Variants in BDP1 observed in about 807,000 individuals in gnomAD.
BDP1 encodes the protein BDP1 general transcription factor IIIB subunit, also known as transcription factor TFIIIB component B'' homolog.
BDP1 carries 169 observed loss-of-function variants against 266.6 expected under a neutral mutation model. That is an observed-to-expected ratio of 0.63 (90% CI 0.56 to 0.72). The LOEUF (loss-of-function observed/expected upper bound fraction) is 0.72, where lower values mean the gene tolerates loss of function less well. Among genes scored for constraint, BDP1 ranks in the 30% least tolerant of loss-of-function variants. BDP1 has a pLI of 0.00. For synonymous variants in BDP1, 1,090 were observed against 1,022.4 expected (o/e 1.07, Z -1.26); for missense variants, 3,015 against 3,053.8 (o/e 0.99, Z 0.30).
chr5:71,513,432 C>T, intron 19 of BDP1, 25 bp downstream of exon 19: 1 of 1,290,588 alleles, frequency 7.7e-7, no homozygotes. Context: ...GATGGAAGTT[C>T]TGTGTGGGTG....
In BDP1 at chr5:71,549,503, G is replaced by A. The variant is rs1394447593; in HGVS notation, c.6892G>A (p.Val2298Ile). The change falls in exon 34 of 39, where the codon GTA becomes ATA. Residue 2298 changes from valine to isoleucine, a missense_variant. Around this residue, in one of 3 missense-constraint regions of BDP1, gnomAD observed 629 missense variants for 632.5 expected, o/e 0.99. Transcript: ENST00000358731. ...TCTGGTGGAAATCCCAGCCAATGCA[G>A]TAGAAGAATTTACTGATGCCACTGC... ...LTLVEIPANAVEEFTDATAQF... is the reference protein window; with the variant it reads ...LTLVEIPANAIEEFTDATAQF... 1.9e-6 allele frequency: 3 copies of A among 1,614,118 alleles called. No individual in the cohort carries two copies. The South Asian group carries it at 3.3e-5, about 18-fold the overall frequency.
chr5:71,465,709 C>T (rs1246807951), intron 4 of BDP1, among the ~76,000 whole-genome samples: 8 of 152,162 alleles, frequency 5.3e-5, no homozygotes, highest in African/African-American at 9.6e-5. Flanking sequence ...CGTGAAAACC[C>T]GTCTCTACTA....
chr5:71,508,836 T>C (rs1435184979), intron 16 of BDP1, among the ~76,000 whole-genome samples: 4 of 152,246 alleles, frequency 2.6e-5, no homozygotes, highest in Non-Finnish European at 5.9e-5. Context: ...GGATAGTGGT[T>C]GTGTGCCCAG....
At chr5:71,574,399 C>T in the BDP1 span, among the ~76,000 whole-genome samples, 2 of 152,290 alleles carry the variant, frequency 1.3e-5, no homozygotes, top group South Asian at 2.1e-4. Context: ...CTGGGCCTCT[C>T]AAACAATGAG....
chr5:71,557,145 A>G (rs2112042815), intron 36 of BDP1, among the ~76,000 whole-genome samples: 1 of 152,290 alleles, frequency 6.6e-6, no homozygotes, highest in Non-Finnish European at 1.5e-5. Context: ...CTATGTGGCT[A>G]CAAGGATTTT....
chr5:71,488,570 A>C (rs1763405982), intron 9 of BDP1, among the ~76,000 whole-genome samples: 1 of 151,888 alleles, frequency 6.6e-6, no homozygotes, highest in Non-Finnish European at 1.5e-5. Context: ...CTGGGATTAC[A>C]GGCAAGTACC....
Position 71,511,112 on chromosome 5 carries a change from T to G in BDP1, c.4020T>G (p.Gly1340=). 1 of 1,614,082 alleles carries G rather than the reference T, an allele frequency of 6.2e-7. No individual in the cohort carries two copies. Residue 1340 remains glycine, a synonymous_variant, in exon 17 of 39, where the codon GGT becomes GGG. Coordinates refer to ENST00000358731, the MANE Select transcript of BDP1 (RefSeq NM_018429.3). ...CTGACACACATTTAATGCAGAGCGG[T>G]AGCAATGACTTCAGTGCTGTGCCTT... The part of the protein sequence containing the change: ...RQTDTHLMQS[G]SNDFSAVPSL...
chr5:71,532,443 AAT>A lies in BDP1; in HGVS notation c.5892+19_5892+20del, dbSNP rs779561418. On this transcript the variant is annotated intron_variant, in intron 26 of 38. Coordinates refer to ENST00000358731, the MANE Select transcript of BDP1 (RefSeq NM_018429.3). ...TGTACCGTTTGTAAGCATCCATTTT[AAT>A]ATGTTTTGGCCTTTTATTCTTTGTT... 10 of 1,611,512 alleles carry A rather than the reference AAT, an allele frequency of 6.2e-6. No individual in the cohort carries two copies. The highest frequency in any genetic ancestry group is 8.5e-6 in the Non-Finnish European group (10 of 1,178,886).
chr5:71,571,066 TTAAG>T (rs1327883822), downstream of BDP1, among the ~76,000 whole-genome samples: 2 of 152,366 alleles, frequency 1.3e-5, no homozygotes, highest in Admixed American at 6.5e-5. Context: ...TCATATTGTA[TTAAG>T]TATTATGAGT....
chr5:71,465,122 C>A (rs1761825685), intron 4 of BDP1, among the ~76,000 whole-genome samples: 1 of 152,060 alleles, frequency 6.6e-6, no homozygotes, highest in African/African-American at 2.4e-5. Flanking sequence ...CCTCTCGCCT[C>A]AGCCTCCAAA....
chr5:71,489,402 A>G lies in BDP1; in HGVS notation c.1214-2A>G. Reference sequence around the variant, plus strand: ...ATTTATAGTAATTTCTCTTGTTTTCAGTGAAAAAAGTTGCCTGTGAAGGAG... The same window carrying G: ...ATTTATAGTAATTTCTCTTGTTTTCGGTGAAAAAAGTTGCCTGTGAAGGAG... On this transcript the variant is annotated splice_acceptor_variant, in intron 9 of 38. Transcript: ENST00000358731. LOFTEE classifies it high-confidence loss of function. 3 of 1,575,712 alleles carry G rather than the reference A, an allele frequency of 1.9e-6. No individual in the cohort carries two copies. The highest frequency in any genetic ancestry group is 2.6e-6 in the Non-Finnish European group (3 of 1,166,826).
chr5:71,552,627 C>T (rs1253755394), intron 34 of BDP1, among the ~76,000 whole-genome samples: 2 of 134,436 alleles, frequency 1.5e-5, no homozygotes, highest in African/African-American at 2.9e-5. Flanking sequence ...AGACCAGCCC[C>T]GCCAACACAG....
At chr5:71,552,954 C>T (rs1049703997) in intron 34 of BDP1, among the ~76,000 whole-genome samples, 162 bp from the exon 35 acceptor site, 12 of 152,002 alleles carry the variant, frequency 7.9e-5, no homozygotes, top group African/African-American at 2.9e-4. Context: ...GGGCCATGGC[C>T]GTGTATCTCT....
intron 24 of BDP1, 72 bp from the exon 25 acceptor site, chr5:71,523,867 T>C (rs1765632753): frequency 7.0e-7 from 1 of 1,432,588 alleles, no homozygotes; most frequent in Non-Finnish European, 9.4e-7. Flanking sequence ...AATTTCACTC[T>C]AAAAGTTTGG....
chr5:71,569,806 T>TA (rs922242310), downstream of BDP1, among the ~76,000 whole-genome samples: 9 of 150,378 alleles, frequency 6.0e-5, no homozygotes, highest in African/African-American at 1.7e-4. Context: ...CATCTCCATT[T>TA]AAAAAAAAAA....
chr5:71,535,500 C>T (rs1265580540), intron 26 of BDP1, among the ~76,000 whole-genome samples: 5 of 152,106 alleles, frequency 3.3e-5, no homozygotes, highest in African/African-American at 4.8e-5. Flanking sequence ...CCACCGTGCC[C>T]GGCCTAAAAT....
Position 71,509,989 on chromosome 5 carries a change from C to T in BDP1, c.2897C>T (p.Pro966Leu), listed in dbSNP as rs1764808307. 6.2e-7 allele frequency: 1 copy of T among 1,612,654 alleles called. No homozygotes were observed. The highest frequency in any genetic ancestry group is 1.7e-5 in the Admixed American group (1 of 59,810). Residue 966 changes from proline to leucine, a missense_variant, in exon 17 of 39, where the codon CCA becomes CTA. Transcript: ENST00000358731. ...DLKATGNESS[P>L]REKTPEVTDA... ...AAAGCAACTGGAAATGAGAGTTCCCCAAGGGAGAAGACACCAGAGGTGACT... is the reference window on the plus strand; with the variant it reads ...AAAGCAACTGGAAATGAGAGTTCCCTAAGGGAGAAGACACCAGAGGTGACT...
At chr5:71,553,866 C>T (rs1269840510) in intron 35 of BDP1, among the ~76,000 whole-genome samples, 1 of 152,156 alleles carries the variant, frequency 6.6e-6, no homozygotes, top group Non-Finnish European at 1.5e-5. Flanking sequence ...TTAAATGTCC[C>T]AGGACACTTC....
At chr5:71,484,198 C>G (rs1763123192) in intron 8 of BDP1, among the ~76,000 whole-genome samples, 1 of 152,120 alleles carries the variant, frequency 6.6e-6, no homozygotes, top group Non-Finnish European at 1.5e-5. Context: ...GGGAGGAGAT[C>G]ATTGTTTCTG....
Sources: allele counts gnomAD v4.1 joint callset (sites outside exome capture counted in the v4.1 genomes callset), GRCh38; gene constraint gnomAD v4.1.1; regional missense constraint gnomAD v4.1.1; transcripts MANE v1.5; gene names NCBI Gene and HGNC (gene_info 2026-07-23, HGNC 2026-07-21).